Variants in CNN1 observed in about 807,000 individuals in gnomAD.
CNN1 encodes the protein calponin-1.
A neutral mutation model predicts 35.3 loss-of-function variants in CNN1; 21 were observed. The ratio of observed to expected loss-of-function variants is 0.60; its 90% CI spans 0.42 to 0.86. The LOEUF (loss-of-function observed/expected upper bound fraction) is 0.86, where lower values mean the gene tolerates loss of function less well. Among genes scored for constraint, CNN1 ranks in the 40% least tolerant of loss-of-function variants. The pLI is 0.00. For synonymous variants in CNN1, 164 were observed against 161.8 expected (o/e 1.01, Z -0.10); for missense variants, 314 against 400.8 (o/e 0.78, Z 1.85).
rs959811550 is a variant in CNN1 at position 11,539,677 on chromosome 19, T to C, written c.63+687T>C. The C allele has an allele frequency of 8.4e-5, 57 of 681,152 alleles. 1 individual carries two copies. Among genetic ancestry groups the C allele is most frequent in the Non-Finnish European group, 1.3e-4 (56 of 433,836 alleles). The allele number at this position is 681,152 out of a possible 1,614,324, so 42.2% of individuals were successfully genotyped here. ...GCCCACTGGAATCGCCCCAACAGTATTGCCGAGGGAGGAGTTCCTGCCCCA... is the reference window on the plus strand; with the variant it reads ...GCCCACTGGAATCGCCCCAACAGTACTGCCGAGGGAGGAGTTCCTGCCCCA... On this transcript the variant is annotated intron_variant, in intron 1 of 6. Transcript: ENST00000252456.
chr19:11,539,072 C>G, intron 1 of CNN1, 82 bp downstream of exon 1: 2 of 1,226,802 alleles, frequency 1.6e-6, no homozygotes, highest in Non-Finnish European at 2.2e-6. Flanking sequence ...TGAACCCCCT[C>G]CTGCCTATCC....
chr19:11,546,654 C>G, intron 2 of CNN1, 21 bp from the exon 3 acceptor site: 1 of 1,613,818 alleles, frequency 6.2e-7, no homozygotes, highest in Non-Finnish European at 8.5e-7. Flanking sequence ...ACCTTTCTTA[C>G]CCCTTCCCCA....
chr19:11,544,649 G>A (rs1972540930), intron 2 of CNN1, among the ~76,000 whole-genome samples: 1 of 150,664 alleles, frequency 6.6e-6, no homozygotes, highest in South Asian at 2.1e-4. Context: ...ACCACGCCCG[G>A]TGAAGTTTTC....
chr19:11,550,177 A>G lies in CNN1; in HGVS notation c.*382A>G. 4.7e-6 allele frequency: 1 copy of G among 213,250 alleles called. No individual in the cohort carries two copies. 13.2% of individuals were successfully genotyped at this position (213,250 alleles called of 1,614,324 possible). On this transcript the variant is annotated 3_prime_UTR_variant, in exon 7 of 7. Transcript: ENST00000252456. Reference sequence around the variant, plus strand: ...CCCACCCCATTCCCGCAGTGGGAGCAAACTGCATGCCCAGAGACCCAGCGG... The same window carrying G: ...CCCACCCCATTCCCGCAGTGGGAGCGAACTGCATGCCCAGAGACCCAGCGG...
chr19:11,541,893 A>C, intron 2 of CNN1: 1 of 135,694 alleles, frequency 7.4e-6, no homozygotes, highest in African/African-American at 3.0e-5. Context: ...ATGCCCGGTT[A>C]ATTTTTGTTT....
In CNN1 at chr19:11,549,545, C is replaced by T. The variant is rs1244297537; in HGVS notation, c.649-5C>T. On this transcript the variant is annotated splice_polypyrimidine_tract_variant and splice_region_variant and intron_variant, in intron 6 of 6. Coordinates refer to ENST00000252456, the MANE Select transcript of CNN1 (RefSeq NM_001299.6). The surrounding 1 kb of genome is among the most constrained non-coding windows in gnomAD (Gnocchi z 5.2). ...CCCACGGCCTGACCACACCACCCTT[C>T]GCAGGCTGGCATGACTGCGCCAGGG... The T allele has an allele frequency of 5.0e-6, 8 of 1,597,760 alleles. No individual in the cohort carries two copies. The highest frequency in any genetic ancestry group is 1.7e-4 in the Middle Eastern group (1 of 6,002).
intron 1 of CNN1, chr19:11,540,798 A>G (rs1972444474): frequency 3.1e-6 from 1 of 327,650 alleles, no homozygotes; most frequent in South Asian, 6.4e-5. Context: ...TCTAGCTCAG[A>G]GGATCCAGCT....
At chr19:11,547,438 C>T (rs1429329775) in intron 4 of CNN1, among the ~76,000 whole-genome samples, 8 of 150,994 alleles carry the variant, frequency 5.3e-5, no homozygotes, top group African/African-American at 1.5e-4. Context: ...TGGCCGGGCA[C>T]GGTGGCTCAC....
In CNN1 at chr19:11,541,188, T is replaced by C; in HGVS notation, c.176T>C (p.Ile59Thr). The C allele has an allele frequency of 6.3e-7, 1 of 1,582,750 alleles. No individual in the cohort carries two copies. Among genetic ancestry groups the C allele is most frequent in the Non-Finnish European group, 8.6e-7 (1 of 1,162,090 alleles). Residue 59 changes from isoleucine to threonine, a missense_variant, in exon 2 of 7, where the codon ATT (isoleucine) becomes ACT (threonine). Transcript: ENST00000252456. ...NFMDGLKDGI[I>T]LCEFINKLQP... ...ATGGACGGCCTCAAAGATGGCATCA[T>C]TCTTTGCGAGTGAGTGAGGCTCTCG...
intron 2 of CNN1, among the ~76,000 whole-genome samples, chr19:11,543,738 C>A (rs1307690366): frequency 4.0e-5 from 6 of 148,440 alleles, no homozygotes; most frequent in African/African-American, 7.5e-5. Flanking sequence ...AGCCGAGATC[C>A]CACCACTGCA....
At chr19:11,547,588 T>C (rs1405971575) in intron 4 of CNN1, among the ~76,000 whole-genome samples, 1 of 151,180 alleles carries the variant, frequency 6.6e-6, no homozygotes, top group African/African-American at 2.4e-5. Context: ...TGGCAGGCGC[T>C]TGTAGTCCCA....
intron 4 of CNN1, among the ~76,000 whole-genome samples, chr19:11,547,221 A>C (rs972875349): frequency 1.3e-5 from 2 of 151,838 alleles, no homozygotes; most frequent in African/African-American, 4.8e-5. Context: ...ACATGGTGAA[A>C]TCCCGTCTCT....
chr19:11,540,681 C>A (rs1168331098), intron 1 of CNN1: 1 of 169,960 alleles, frequency 5.9e-6, no homozygotes, highest in Non-Finnish European at 1.3e-5. Flanking sequence ...TTCTTCCCTT[C>A]CTGAGGTGCC....
chr19:11,539,995 C>A, intron 1 of CNN1: 1 of 1,053,146 alleles, frequency 9.5e-7, no homozygotes, highest in South Asian at 2.7e-5. Flanking sequence ...GGGCTGGTGG[C>A]GTGGGGGGCG....
Position 11,539,128 on chromosome 19 carries a change from A to G in CNN1, c.63+138A>G, listed in dbSNP as rs114208025. 3,660 of 1,068,338 alleles carry G rather than the reference A, an allele frequency of 3.4e-3. 90 individuals carry two copies. In the African/African-American group the frequency reaches 0.052, roughly 15 times the overall value. 66.2% of individuals were successfully genotyped at this position (1,068,338 alleles called of 1,614,324 possible). ...AGGGGAAAAGGGAGTGATATGGGAT[A>G]GGGGCTGCCTGTCTCCCCCTGAACA... On this transcript the variant is annotated intron_variant, in intron 1 of 6. Coordinates refer to ENST00000252456, the MANE Select transcript of CNN1 (RefSeq NM_001299.6).
chr19:11,547,119 G>A (rs1322921940), intron 4 of CNN1, 150 bp downstream of exon 4: 102 of 1,154,438 alleles, frequency 8.8e-5, no homozygotes, highest in Non-Finnish European at 1.1e-4. Flanking sequence ...CAAGGGGGCC[G>A]GGCGCGGTCG....
rs1377737839 is a variant in CNN1 at position 11,549,444 on chromosome 19, T to C, written c.623T>C (p.Met208Thr). 1.2e-6 allele frequency: 2 copies of C among 1,613,678 alleles called. No homozygotes were observed. Among genetic ancestry groups the C allele is most frequent in the African/African-American group, 2.7e-5 (2 of 74,792 alleles). Residue 208 changes from methionine to threonine, a missense_variant, in exon 6 of 7, where the codon ATG becomes ACG. Transcript: ENST00000252456. The surrounding 1 kb of genome is among the most constrained non-coding windows in gnomAD (Gnocchi z 5.2). ...GACCAGGCGACCATCAGCCTGCAGATGGGCACCAACAAAGGAGCCAGCCAG... is the reference window on the plus strand; with the variant it reads ...GACCAGGCGACCATCAGCCTGCAGACGGGCACCAACAAAGGAGCCAGCCAG... The part of the protein sequence containing the change: ...PLDQATISLQ[M>T]GTNKGASQAG...
chr19:11,546,825 C>A lies in CNN1; in HGVS notation c.253-7C>A. The A allele has an allele frequency of 6.2e-7, 1 of 1,614,262 alleles. No individual in the cohort carries two copies. Among genetic ancestry groups the A allele is most frequent in the Non-Finnish European group, 8.5e-7 (1 of 1,180,046 alleles). Reference sequence around the variant, plus strand: ...CCACCCAGTGACCACCACCTGCCCCCCTCTAGCTGGAGAACATCGGCAACT... The same window carrying A: ...CCACCCAGTGACCACCACCTGCCCCACTCTAGCTGGAGAACATCGGCAACT... On this transcript the variant is annotated splice_polypyrimidine_tract_variant and splice_region_variant and intron_variant, in intron 3 of 6. Transcript: ENST00000252456.
At chr19:11,540,846 A>G (rs1396405565) in intron 1 of CNN1, among the ~76,000 whole-genome samples, 1 of 151,994 alleles carries the variant, frequency 6.6e-6, no homozygotes, top group Non-Finnish European at 1.5e-5. Context: ...CCCTGGTGCC[A>G]AACCTCAGAA....
Sources: gnomAD v4.1 joint callset for allele counts (sites outside exome capture counted in the v4.1 genomes callset) on GRCh38, gnomAD v4.1.1 for gene constraint, Gnocchi (gnomAD v3.1) non-coding constraint, MANE v1.5 for transcripts, NCBI Gene and HGNC (gene_info 2026-07-23, HGNC 2026-07-21) for gene names.